SPEF2: variants seen among roughly 807,000 people sequenced by gnomAD.
SPEF2 encodes the protein sperm flagellar and cilia associated 2.
In SPEF2, 187 loss-of-function variants were observed where a neutral mutation model predicts 224.6. That is an observed-to-expected ratio of 0.83 (90% CI 0.74 to 0.94). SPEF2 has a LOEUF of 0.94. SPEF2 is among the 40% of genes least tolerant of loss of function. The probability of loss-of-function intolerance (pLI) is 0.00; values close to 1 mark genes in which losing one functional copy is unlikely to be tolerated. For missense variants in SPEF2, 2,170 were observed against 2,135.6 expected (o/e 1.02, Z -0.32); for synonymous variants, 715 against 707.3 (o/e 1.01, Z -0.17).
At chr5:35,667,361 T>C (rs1256787415) in intron 9 of SPEF2, 102 bp downstream of exon 9, 4 of 1,091,588 alleles carry the variant, frequency 3.7e-6, no homozygotes, top group Non-Finnish European at 5.0e-6. Flanking sequence ...GAGATAAAAA[T>C]GATTCATGAA....
chr5:35,788,319 T>C (rs1362573011), intron 30 of SPEF2: 1 of 702,962 alleles, frequency 1.4e-6, no homozygotes, highest in African/African-American at 1.7e-5. Context: ...ATGTGCAAAT[T>C]AGATGATATG....
At chr5:35,669,932 C>A in intron 9 of SPEF2, 127 bp from the exon 10 acceptor site, 1 of 716,906 alleles carries the variant, frequency 1.4e-6, no homozygotes, top group Non-Finnish European at 2.2e-6. Flanking sequence ...CCTTTAAGAT[C>A]ATTTTTCAGT....
At chr5:35,789,089 T>G in intron 30 of SPEF2, 1 of 687,230 alleles carries the variant, frequency 1.5e-6, no homozygotes, top group Non-Finnish European at 2.6e-6. Flanking sequence ...GAAAATACTT[T>G]CCTTGAGCTC....
intron 7 of SPEF2, among the ~76,000 whole-genome samples, chr5:35,657,146 A>G (rs1417356840): frequency 6.6e-6 from 1 of 152,176 alleles, no homozygotes; most frequent in Non-Finnish European, 1.5e-5. Context: ...ATCAGCCCTG[A>G]ATGTTTTCTT....
chr5:35,674,337 CTTTT>C (rs35129181), intron 10 of SPEF2, among the ~76,000 whole-genome samples: 4 of 94,464 alleles, frequency 4.2e-5, no homozygotes, highest in Non-Finnish European at 8.3e-5. Flanking sequence ...TTTTCGTCTT[CTTTT>C]TTTTTTTTTT....
chr5:35,801,235 G>T (rs1376809479), intron 34 of SPEF2, among the ~76,000 whole-genome samples: 3 of 152,232 alleles, frequency 2.0e-5, no homozygotes, highest in African/African-American at 7.2e-5. Context: ...CAAATAAGGG[G>T]CTGGGTGTGG....
At chr5:35,673,770 T>C (rs992184153) in intron 10 of SPEF2, among the ~76,000 whole-genome samples, 1 of 152,248 alleles carries the variant, frequency 6.6e-6, no homozygotes, top group African/African-American at 2.4e-5. Context: ...TGTACATTTT[T>C]ATTAACATTA....
intron 10 of SPEF2, chr5:35,671,304 G>T: frequency 1.0e-6 from 1 of 967,956 alleles, no homozygotes; most frequent in Non-Finnish European, 1.2e-6. Context: ...GTGGTTAAAA[G>T]ATAAGGAAAA....
chr5:35,670,175 C>T lies in SPEF2; in HGVS notation c.1472C>T (p.Thr491Ile), dbSNP rs1288064160. The change falls in exon 10 of 37, where the codon ACA becomes ATA. Residue 491 changes from threonine to isoleucine, a missense_variant. Coordinates refer to ENST00000356031, the MANE Select transcript of SPEF2 (RefSeq NM_024867.4). ...LPANPSREQL[T>I]ELEKRDLLDT... Reference sequence around the variant, plus strand: ...GCTAACCCCTCAAGAGAACAACTTACAGAACTGGAGAAAAGGGACTTGCTA... The same window carrying T: ...GCTAACCCCTCAAGAGAACAACTTATAGAACTGGAGAAAAGGGACTTGCTA... 2.5e-6 allele frequency: 4 copies of T among 1,611,972 alleles called. No individual in the cohort carries two copies. In the South Asian group the frequency reaches 4.4e-5, roughly 18 times the overall value.
chr5:35,664,273 A>G (rs1750129837), intron 8 of SPEF2, among the ~76,000 whole-genome samples: 1 of 136,016 alleles, frequency 7.4e-6, no homozygotes. Context: ...TGCTCATGAA[A>G]TAAAGAAAAA....
intron 1 of SPEF2, among the ~76,000 whole-genome samples, chr5:35,625,470 C>T (rs1199644993): frequency 2.0e-5 from 3 of 152,114 alleles, no homozygotes; most frequent in Non-Finnish European, 2.9e-5. Context: ...ATTCAGTCAA[C>T]GTGAACAACA....
chr5:35,704,565 T>A lies in SPEF2; in HGVS notation c.2410T>A (p.Ser804Thr), dbSNP rs768054752. 77 of 1,606,960 alleles carry A rather than the reference T, an allele frequency of 4.8e-5. No individual in the cohort carries two copies. Among genetic ancestry groups the A allele is most frequent in the Non-Finnish European group, 6.1e-5 (72 of 1,177,386 alleles). Residue 804 changes from serine to threonine, a missense_variant, in exon 17 of 37, where the codon TCC (serine) becomes ACC (threonine). Physicochemically the swap from Ser to Thr is moderately conservative, Grantham distance 58. Coordinates refer to ENST00000356031, the MANE Select transcript of SPEF2 (RefSeq NM_024867.4). The stretch of plus-strand genomic sequence containing the variant: ...ATTTTATACCATAGCTGAAGAATTG[T>A]CCTATAAAACTGCTCACGAAGATAT... The part of the protein sequence containing the change: ...RMNDIIAEEL[S>T]YKTAHEDISQ...
chr5:35,796,829 C>G (rs1756737801), intron 33 of SPEF2, among the ~76,000 whole-genome samples: 1 of 152,128 alleles, frequency 6.6e-6, no homozygotes, highest in Non-Finnish European at 1.5e-5. Context: ...TTGAGCACCT[C>G]TGCTAGATGC....
At position 35,712,867 on chromosome 5, in the gene SPEF2, G is replaced by A. The variant is rs374613333; in HGVS notation, c.2895G>A (p.Glu965=). The A allele has an allele frequency of 8.7e-6, 14 of 1,613,696 alleles. No homozygotes were observed. The highest frequency in any genetic ancestry group is 1.2e-5 in the Non-Finnish European group (14 of 1,179,902). Reference sequence around the variant, plus strand: ...AGGAAGGAAAAGGGAAGAAAGGTGAGACCGCACTCAAAAGAAAAGGTACAG... The same window carrying A: ...AGGAAGGAAAAGGGAAGAAAGGTGAAACCGCACTCAAAAGAAAAGGTACAG... The part of the protein sequence containing the change: ...SLQEGKGKKG[E]TALKRKGSPK... Residue 965 remains glutamate, a synonymous_variant, in exon 20 of 37, where the codon GAG becomes GAA. Coordinates refer to ENST00000356031, the MANE Select transcript of SPEF2 (RefSeq NM_024867.4).
In SPEF2 at chr5:35,807,952, C is replaced by T. The variant is rs947256905; in HGVS notation, c.5379+699C>T. ...ATCCCTCTCAGATACCAGTTTAACACGAAGTCTCCCTGTTTGACTCCTGTG... is the reference window on the plus strand; with the variant it reads ...ATCCCTCTCAGATACCAGTTTAACATGAAGTCTCCCTGTTTGACTCCTGTG... On this transcript the variant is annotated intron_variant, in intron 36 of 36. Coordinates refer to ENST00000356031, the MANE Select transcript of SPEF2 (RefSeq NM_024867.4). 56 of 1,382,180 alleles carry T rather than the reference C, an allele frequency of 4.1e-5. No homozygotes were observed. In the African/African-American group the frequency reaches 4.9e-4, roughly 12 times the overall value. 85.6% of individuals were successfully genotyped at this position (1,382,180 alleles called of 1,614,324 possible). A position where few individuals can be genotyped will look rare whatever the true frequency, so the allele number is the denominator to read the frequency against.
At chr5:35,744,166 G>A (rs1748101974) in intron 23 of SPEF2, among the ~76,000 whole-genome samples, 1 of 152,148 alleles carries the variant, frequency 6.6e-6, no homozygotes, top group South Asian at 2.1e-4. Flanking sequence ...TCTCTAGTAA[G>A]CACCACATAA....
chr5:35,722,674 C>A, intron 20 of SPEF2, among the ~76,000 whole-genome samples: 1 of 120,180 alleles, frequency 8.3e-6, no homozygotes, highest in Admixed American at 9.0e-5. Flanking sequence ...TGTGACGTTC[C>A]CCTTCCTGTG....
intron 10 of SPEF2, among the ~76,000 whole-genome samples, chr5:35,686,240 G>A (rs910264005): frequency 4.6e-5 from 7 of 152,116 alleles, no homozygotes; most frequent in Admixed American, 2.6e-4. Context: ...TCTCTGCACC[G>A]CTGAAACAAT....
chr5:35,763,877 T>C (rs922419246), intron 26 of SPEF2, among the ~76,000 whole-genome samples, 175 bp downstream of exon 26: 1 of 152,206 alleles, frequency 6.6e-6, no homozygotes, highest in African/African-American at 2.4e-5. Flanking sequence ...TCAACAAATA[T>C]TTGAGATCAT....
Sources: allele counts gnomAD v4.1 joint callset (sites outside exome capture counted in the v4.1 genomes callset), GRCh38; gene constraint gnomAD v4.1.1; transcripts MANE v1.5; gene names NCBI Gene and HGNC (gene_info 2026-07-23, HGNC 2026-07-21).